COL19A1: variants seen among roughly 807,000 people sequenced by gnomAD.
COL19A1 encodes the protein collagen alpha-1(XIX) chain.
Under a neutral mutation model 190.2 loss-of-function variants are expected in COL19A1, and 159 were observed. That is an observed-to-expected ratio of 0.84 (90% CI 0.73 to 0.95). The LOEUF (loss-of-function observed/expected upper bound fraction) is 0.95. COL19A1 is among the 40% of genes least tolerant of loss of function. COL19A1 has a pLI of 0.00. For missense variants in COL19A1, 1,418 were observed against 1,431.9 expected (o/e 0.99, Z 0.16); for synonymous variants, 509 against 458.9 (o/e 1.11, Z -1.39).
intron 14 of COL19A1, among the ~76,000 whole-genome samples, chr6:70,064,417 A>C (rs1397481723): frequency 6.6e-6 from 1 of 152,208 alleles, no homozygotes; most frequent in East Asian, 1.9e-4. Context: ...ACAGCCCTTC[A>C]TGCTAAAAAC....
At chr6:69,905,476 C>G (rs1384031895) in intron 4 of COL19A1, among the ~76,000 whole-genome samples, 2 of 152,064 alleles carry the variant, frequency 1.3e-5, no homozygotes, top group African/African-American at 4.8e-5. Context: ...GTCCTGGCTC[C>G]CCGCTGTTCA....
intron 31 of COL19A1, among the ~76,000 whole-genome samples, chr6:70,155,239 GTT>G (rs1273535599): frequency 6.6e-6 from 1 of 152,054 alleles, no homozygotes; most frequent in Non-Finnish European, 1.5e-5. Flanking sequence ...TCTTTTTCAT[GTT>G]TAAAGATTCT....
intron 17 of COL19A1, among the ~76,000 whole-genome samples, chr6:70,123,664 T>G (rs1785018882): frequency 6.8e-6 from 1 of 146,060 alleles, no homozygotes; most frequent in Non-Finnish European, 1.5e-5. Context: ...GTTAGGGACA[T>G]GGATGAAATT....
rs1562007932 is a variant in COL19A1 at position 69,929,571 on chromosome 6, A to G, written c.537A>G (p.Gln179=). 3.1e-6 allele frequency: 5 copies of G among 1,614,074 alleles called. No homozygotes were observed. Among genetic ancestry groups the G allele is most frequent in the Admixed American group, 3.3e-5 (2 of 59,980 alleles). ...GGCACAAACTTGGCATTAGTATACA[A>G]TCCCAGGTCATTTCACTTTATATGG... The part of the protein sequence containing the change: ...RQWHKLGISI[Q]SQVISLYMDC... Residue 179 remains glutamine, a synonymous_variant, in exon 6 of 51, where the codon CAA becomes CAG. Coordinates refer to ENST00000620364, the MANE Select transcript of COL19A1 (RefSeq NM_001858.6).
chr6:69,917,069 G>T (rs563807643), intron 4 of COL19A1, among the ~76,000 whole-genome samples: 1 of 152,190 alleles, frequency 6.6e-6, no homozygotes, highest in African/African-American at 2.4e-5. Context: ...ATGATGTGTG[G>T]TTTCTTATGA....
chr6:70,049,659 CT>C (rs1486877930), intron 14 of COL19A1, among the ~76,000 whole-genome samples: 1 of 151,956 alleles, frequency 6.6e-6, no homozygotes, highest in Non-Finnish European at 1.5e-5. Context: ...ATCAGTAAAA[CT>C]TTCTTTCCTA....
chr6:70,113,452 C>A (rs1393719967), intron 16 of COL19A1, among the ~76,000 whole-genome samples: 1 of 152,158 alleles, frequency 6.6e-6, no homozygotes. Context: ...AACTGTTATC[C>A]ACTGCAATTT....
chr6:70,123,281 T>C (rs541366183), intron 17 of COL19A1, among the ~76,000 whole-genome samples: 580 of 152,096 alleles, frequency 3.8e-3, no homozygotes, highest in Admixed American at 6.3e-3. Context: ...CCAGTTAGAA[T>C]GGCAATCATT....
intron 4 of COL19A1, among the ~76,000 whole-genome samples, chr6:69,905,349 TC>T (rs1770478904): frequency 6.6e-6 from 1 of 152,178 alleles, no homozygotes; most frequent in African/African-American, 2.4e-5. Flanking sequence ...CTCAAACTGT[TC>T]GCTCTGTCTT....
chr6:69,966,479 G>A (rs1425220825), intron 11 of COL19A1, among the ~76,000 whole-genome samples: 1 of 152,102 alleles, frequency 6.6e-6, no homozygotes, highest in African/African-American at 2.4e-5. Flanking sequence ...CCCCAACCCC[G>A]TGCTCTCTGA....
At chr6:69,958,515 G>T (rs75312247) in intron 9 of COL19A1, among the ~76,000 whole-genome samples, 1,771 of 152,234 alleles carry the variant, frequency 0.012, 33 homozygotes, top group African/African-American at 0.04. Context: ...TTTGTGTGAT[G>T]CCTGAGGTCT....
intron 1 of COL19A1, among the ~76,000 whole-genome samples, chr6:69,873,068 T>C (rs1767932927): frequency 6.6e-6 from 1 of 152,162 alleles, no homozygotes; most frequent in African/African-American, 2.4e-5. Flanking sequence ...GCGGATATAA[T>C]ACCTGTCTTC....
chr6:70,146,508 T>C (rs1786655557), intron 25 of COL19A1, 151 bp from the exon 26 acceptor site: 7 of 438,740 alleles, frequency 1.6e-5, no homozygotes, highest in Admixed American at 4.2e-5. Context: ...CTATAACATA[T>C]TGAAATTTTT....
intron 11 of COL19A1, among the ~76,000 whole-genome samples, chr6:69,986,676 T>C (rs766996689): frequency 1.1e-4 from 16 of 152,206 alleles, no homozygotes; most frequent in Non-Finnish European, 1.8e-4. Flanking sequence ...CCGCAGAGTT[T>C]ATACTACAAT....
intron 42 of COL19A1, among the ~76,000 whole-genome samples, chr6:70,179,809 T>C (rs950807511): frequency 6.6e-6 from 1 of 152,174 alleles, no homozygotes; most frequent in Admixed American, 6.5e-5. Context: ...TGCACCCCAG[T>C]CTGAAACTTA....
intron 1 of COL19A1, among the ~76,000 whole-genome samples, chr6:69,872,248 G>C (rs1011381020): frequency 6.6e-6 from 1 of 152,070 alleles, no homozygotes; most frequent in Admixed American, 6.5e-5. Context: ...TGGTACAATG[G>C]ACTTTCCCTA....
chr6:70,120,870 A>C (rs1784846339), intron 16 of COL19A1, among the ~76,000 whole-genome samples: 2 of 152,172 alleles, frequency 1.3e-5, no homozygotes, highest in Non-Finnish European at 2.9e-5. Flanking sequence ...CTGTATACCT[A>C]AGGTGTTACC....
chr6:70,207,360 GTTGC>G lies in COL19A1; in HGVS notation c.*89_*92del. 3 of 759,212 alleles carry G rather than the reference GTTGC, an allele frequency of 4.0e-6. No homozygotes were observed. The highest frequency in any genetic ancestry group is 4.1e-5 in the East Asian group (1 of 24,272). 47.0% of individuals were successfully genotyped at this position (759,212 alleles called of 1,614,324 possible). A position where few individuals can be genotyped will look rare whatever the true frequency, so the allele number is the denominator to read the frequency against. ...ACCGTCAAACCCTCATCATCTGTGG[GTTGC>G]TTTTTTTTTTTTTTTTTTTTTTTGG... On this transcript the variant is annotated 3_prime_UTR_variant, in exon 51 of 51. Transcript: ENST00000620364.
chr6:69,877,802 C>T lies in COL19A1; in HGVS notation c.-32-1734C>T, dbSNP rs150624395. On this transcript the variant is annotated intron_variant, in intron 1 of 50. Transcript: ENST00000620364. ...TTGGGAGGCCAAGGTGGGCAGATCA[C>T]GAGGTCAGGAGTTCAAGACCATCCT... is the stretch of plus-strand genomic sequence containing the variant. Among the ~76,000 whole-genome samples, 210 of 152,100 alleles carry T rather than the reference C, an allele frequency of 1.4e-3. 1 individual carries two copies. The highest frequency in any genetic ancestry group is 6.8e-3 in the Middle Eastern group (2 of 294).
Sources: allele counts gnomAD v4.1 joint callset (sites outside exome capture counted in the v4.1 genomes callset), GRCh38; gene constraint gnomAD v4.1.1; transcripts MANE v1.5; gene names NCBI Gene and HGNC (gene_info 2026-07-23, HGNC 2026-07-21).